CACNB2: variants seen among roughly 807,000 people sequenced by gnomAD.
CACNB2 encodes voltage-dependent L-type calcium channel subunit beta-2.
CACNB2 carries 42 observed loss-of-function variants against 73.3 expected under a neutral mutation model. That is an observed-to-expected ratio of 0.57 (90% CI 0.45 to 0.74). The LOEUF is 0.74. Among genes scored for constraint, CACNB2 ranks in the 30% least tolerant of loss-of-function variants. The probability of loss-of-function intolerance (pLI) is 0.00; values close to 1 mark genes in which losing one functional copy is unlikely to be tolerated. For missense variants in CACNB2, 940 were observed against 853.0 expected (o/e 1.10, Z -1.27); for synonymous variants, 348 against 310.3 (o/e 1.12, Z -1.28).
At chr10:18,227,622 C>T (rs2036046218) in intron 2 of CACNB2, among the ~76,000 whole-genome samples, 1 of 152,134 alleles carries the variant, frequency 6.6e-6, no homozygotes, top group African/African-American at 2.4e-5. Flanking sequence ...GAAAGGTGGT[C>T]TTGGGCGGCC....
chr10:18,360,813 G>A (rs971186969), intron 2 of CACNB2, among the ~76,000 whole-genome samples: 10 of 152,180 alleles, frequency 6.6e-5, no homozygotes, highest in Non-Finnish European at 1.5e-4. Context: ...CCAGCAAGGA[G>A]CAGAACAGGA....
At chr10:18,459,828 G>A (rs1417450042) in intron 3 of CACNB2, among the ~76,000 whole-genome samples, 1 of 151,960 alleles carries the variant, frequency 6.6e-6, no homozygotes, top group African/African-American at 2.4e-5. Flanking sequence ...CCAACATTCT[G>A]TCTCTACAGA....
chr10:18,237,092 C>T (rs145654013), intron 2 of CACNB2, among the ~76,000 whole-genome samples: 1 of 152,232 alleles, frequency 6.6e-6, no homozygotes, highest in East Asian at 1.9e-4. Context: ...TTGCAATTGC[C>T]TCCAATGTGG....
intron 3 of CACNB2, among the ~76,000 whole-genome samples, chr10:18,432,915 G>A (rs1589338175): frequency 6.6e-6 from 1 of 152,210 alleles, no homozygotes; most frequent in East Asian, 1.9e-4. Context: ...AAAGCAATAG[G>A]AAATATAGCC....
chr10:18,442,958 G>GTA (rs375916403), intron 3 of CACNB2, among the ~76,000 whole-genome samples: 3,712 of 21,872 alleles, frequency 0.17, 587 homozygotes, highest in Non-Finnish European at 0.22. Flanking sequence ...ATATATATAT[G>GTA]TATATATATA....
intron 2 of CACNB2, among the ~76,000 whole-genome samples, chr10:18,367,958 A>G (rs1451940174): frequency 6.6e-6 from 1 of 152,158 alleles, no homozygotes; most frequent in African/African-American, 2.4e-5. Flanking sequence ...TAAAGAATAT[A>G]TTTTGGCCGT....
chr10:18,156,632 T>G (rs954925354), intron 2 of CACNB2, among the ~76,000 whole-genome samples: 5 of 152,186 alleles, frequency 3.3e-5, no homozygotes, highest in African/African-American at 1.2e-4. Context: ...CCATATAAAC[T>G]TGTTGTAAAG....
rs564349909 is a variant in CACNB2, at chr10:18,434,091, A to T, written c.333+32048A>T. The stretch of plus-strand genomic sequence containing the variant: ...ATACAGAAAAACCATTTTAAAACAT[A>T]GAACATTGGGAATTTTGGCCATGAA... On this transcript the variant is annotated intron_variant, in intron 3 of 13. Transcript: ENST00000324631. Among the ~76,000 whole-genome samples the T allele has an allele frequency of 2.6e-5, 4 of 152,346 alleles. No homozygotes were observed. The East Asian group carries it at 7.7e-4, about 29-fold the overall frequency.
intron 2 of CACNB2, among the ~76,000 whole-genome samples, chr10:18,395,265 A>T (rs1354399425): frequency 1.3e-5 from 2 of 152,136 alleles, no homozygotes; most frequent in East Asian, 1.9e-4. Context: ...TTCTGCCCAG[A>T]CATCCCTCTT....
chr10:18,484,542 A>G (rs963323290), intron 3 of CACNB2, among the ~76,000 whole-genome samples: 2 of 152,228 alleles, frequency 1.3e-5, no homozygotes, highest in Non-Finnish European at 2.9e-5. Context: ...TACACAAAAG[A>G]TGTAGCCAAC....
chr10:18,442,782 G>A (rs923565615), intron 3 of CACNB2, among the ~76,000 whole-genome samples: 2 of 149,614 alleles, frequency 1.3e-5, no homozygotes, highest in Admixed American at 6.7e-5. Context: ...CCGAGATGGC[G>A]CCATTGCACT....
intron 2 of CACNB2, among the ~76,000 whole-genome samples, chr10:18,352,074 A>G (rs554542644): frequency 1.1e-3 from 161 of 152,360 alleles, no homozygotes; most frequent in African/African-American, 3.6e-3. Flanking sequence ...TGCGTGTTCA[A>G]TGCAATGCCC....
chr10:18,531,247 CTTCTGTTTTTTGTTTT>C (rs1564661111), intron 10 of CACNB2, among the ~76,000 whole-genome samples: 2 of 152,104 alleles, frequency 1.3e-5, no homozygotes, highest in Admixed American at 1.3e-4. Context: ...AATAAGTTAA[CTTCTGTTTTTTGTTTT>C]TTAACTTTTA....
intron 10 of CACNB2, among the ~76,000 whole-genome samples, chr10:18,528,067 C>T (rs962287333): frequency 6.6e-6 from 1 of 152,166 alleles, no homozygotes; most frequent in Non-Finnish European, 1.5e-5. Flanking sequence ...ATAACTACCT[C>T]ATAGAATCAT....
At chr10:18,462,549 C>G (rs145517882) in intron 3 of CACNB2, among the ~76,000 whole-genome samples, 18 of 152,220 alleles carry the variant, frequency 1.2e-4, no homozygotes, top group Admixed American at 8.5e-4. Context: ...ACCACTGCAC[C>G]TTGCCTAGGA....
At chr10:18,410,569 G>T (rs1430756241) in intron 3 of CACNB2, among the ~76,000 whole-genome samples, 1 of 152,132 alleles carries the variant, frequency 6.6e-6, no homozygotes, top group Non-Finnish European at 1.5e-5. Flanking sequence ...ATGGGAGGTA[G>T]GAGAGAAATA....
At position 18,436,510 on chromosome 10, in the gene CACNB2, A is replaced by G. The variant is rs2046145010; in HGVS notation, c.333+34467A>G. ...ATCAATAGATCAAAATTAGAATAGG[A>G]CTTGTAGGTAAAAATTGGCCCTTGA... is the stretch of plus-strand genomic sequence containing the variant. On this transcript the variant is annotated intron_variant, in intron 3 of 13. Transcript: ENST00000324631. 3.9e-5 allele frequency among the ~76,000 whole-genome samples: 6 copies of G among 152,218 alleles called. No homozygotes were observed. In the South Asian group the frequency reaches 1.2e-3, roughly 32 times the overall value.
In CACNB2 at chr10:18,383,521, T is replaced by C. The variant is rs1302107494; in HGVS notation, c.214-18403T>C. Among the ~76,000 whole-genome samples, 3 of 152,176 alleles carry C rather than the reference T, an allele frequency of 2.0e-5. No homozygotes were observed. In the East Asian group the frequency reaches 5.8e-4, roughly 29 times the overall value. On this transcript the variant is annotated intron_variant, in intron 2 of 13. Coordinates refer to ENST00000324631, the MANE Select transcript of CACNB2 (RefSeq NM_201596.3). ...ATAACAGAGCAATATCGTCTTCATG[T>C]GCCAAGCCCTGTGCTAGGTCTTGGG...
intron 2 of CACNB2, among the ~76,000 whole-genome samples, chr10:18,380,268 G>GT (rs66746969): frequency 0.25 from 37,932 of 151,620 alleles, 5,269 homozygotes; most frequent in East Asian, 0.66. Context: ...TTTTCATTTT[G>GT]TTTTTTCTTA....
Sources: allele counts gnomAD v4.1 joint callset (sites outside exome capture counted in the v4.1 genomes callset), GRCh38; gene constraint gnomAD v4.1.1; transcripts MANE v1.5; gene names NCBI Gene and HGNC (gene_info 2026-07-23, HGNC 2026-07-21).